The following CHD6 variants were observed in gnomAD, a reference collection of about 807,000 sequenced individuals.
The protein encoded by CHD6 is ATP-dependent chromatin remodeler CHD6.
CHD6 carries 50 observed loss-of-function variants against 276.9 expected under a neutral mutation model. The ratio of observed to expected loss-of-function variants is 0.18; its 90% confidence interval spans 0.14 to 0.23. The LOEUF is 0.23. Among genes scored for constraint, CHD6 ranks in the 10% least tolerant of loss-of-function variants. The probability of loss-of-function intolerance (pLI) is 1.00; values close to 1 mark genes in which losing one functional copy is unlikely to be tolerated. For missense variants in CHD6, 2,564 were observed against 3,365.8 expected, an observed-to-expected ratio of 0.76 and a Z score of 5.89; for synonymous variants, 1,173 against 1,229.3, an observed-to-expected ratio of 0.95 and a Z score of 0.96.
chr20:41,436,709 C>T (rs1374046503), intron 27 of CHD6, among the ~76,000 whole-genome samples: 3 of 152,164 alleles, frequency 2.0e-5, no homozygotes, highest in African/African-American at 7.2e-5. Flanking sequence ...ATACAGACAA[C>T]CACCTAGATG....
chr20:41,407,999 TTC>T (rs796275294), intron 36 of CHD6, among the ~76,000 whole-genome samples: 4 of 152,216 alleles, frequency 2.6e-5, no homozygotes, highest in African/African-American at 9.6e-5. Flanking sequence ...ATCTGAATGT[TTC>T]TGAGTCCCCA....
At chr20:41,470,113 G>A (rs988490432) in intron 17 of CHD6, among the ~76,000 whole-genome samples, 1 of 152,206 alleles carries the variant, frequency 6.6e-6, no homozygotes, top group Non-Finnish European at 1.5e-5. Flanking sequence ...GCATCATTCT[G>A]TGGACAGTCT....
At chr20:41,510,138 C>T (rs756944181) in intron 5 of CHD6, among the ~76,000 whole-genome samples, 9 of 152,064 alleles carry the variant, frequency 5.9e-5, no homozygotes, top group Admixed American at 1.3e-4. Context: ...CAGAGGGCCC[C>T]GGGAGAAGGA....
At chr20:41,407,048 G>A (rs149404410) in intron 36 of CHD6, among the ~76,000 whole-genome samples, 2 of 152,308 alleles carry the variant, frequency 1.3e-5, no homozygotes, top group African/African-American at 4.8e-5. Flanking sequence ...TGTCACACTG[G>A]ATTCCACTGA....
At chr20:41,615,536 T>C (rs1164011753) in intron 1 of CHD6, among the ~76,000 whole-genome samples, 1 of 152,170 alleles carries the variant, frequency 6.6e-6, no homozygotes. Flanking sequence ...AAGAGAATCA[T>C]TAAATATGTA....
chr20:41,469,303 CG>C (rs1389287095), intron 17 of CHD6, among the ~76,000 whole-genome samples: 1 of 152,136 alleles, frequency 6.6e-6, no homozygotes, highest in Non-Finnish European at 1.5e-5. Flanking sequence ...TGCAGCCCAC[CG>C]TTGTTATCTT....
At chr20:41,531,348 A>AT (rs1257309655) in intron 3 of CHD6, among the ~76,000 whole-genome samples, 22 of 152,170 alleles carry the variant, frequency 1.4e-4, no homozygotes, top group Admixed American at 1.3e-3. Context: ...TGTAATAATA[A>AT]TAAAAAAAAG....
intron 1 of CHD6, among the ~76,000 whole-genome samples, chr20:41,612,095 G>T (rs1250154127): frequency 2.6e-5 from 4 of 152,140 alleles, no homozygotes; most frequent in African/African-American, 9.7e-5. Flanking sequence ...AAACAAAAAA[G>T]GACTACAATT....
At chr20:41,453,021 C>T in intron 20 of CHD6, 79 bp from the exon 21 acceptor site, 3 of 1,164,446 alleles carry the variant, frequency 2.6e-6, no homozygotes, top group Non-Finnish European at 3.8e-6. Flanking sequence ...ATCCTCAGGA[C>T]ACATTTGGGA....
Position 41,423,918 on chromosome 20 carries a change from CT to C in CHD6, c.4347-219del, listed in dbSNP as rs202069795. On this transcript the variant is annotated intron_variant, in intron 29 of 36. Coordinates refer to ENST00000373233, the MANE Select transcript of CHD6 (RefSeq NM_032221.5). Reference sequence around the variant, plus strand: ...CCCAAAGAGGTAATCACTTCCAAATCTTTCAGCTCTTTCTTCTGGTATTTAC... The same window carrying C: ...CCCAAAGAGGTAATCACTTCCAAATCTTCAGCTCTTTCTTCTGGTATTTAC... Among the ~76,000 whole-genome samples the C allele has an allele frequency of 5.9e-3, 906 of 152,328 alleles. 12 individuals carry two copies. Among genetic ancestry groups the C allele is most frequent in the African/African-American group, 0.02 (852 of 41,576 alleles).
At chr20:41,491,563 T>C (rs1175249501) in intron 11 of CHD6, 135 bp downstream of exon 11, 10 of 897,126 alleles carry the variant, frequency 1.1e-5, no homozygotes, top group East Asian at 4.9e-5. Context: ...ATGATTAATG[T>C]GCAAAGACTA....
At chr20:41,572,801 A>G (rs1423065833) in intron 1 of CHD6, among the ~76,000 whole-genome samples, 2 of 152,198 alleles carry the variant, frequency 1.3e-5, no homozygotes, top group Non-Finnish European at 2.9e-5. Flanking sequence ...TAACCCTGGG[A>G]AAAAGGTCCT....
chr20:41,444,190 G>A (rs2047991887), intron 25 of CHD6, among the ~76,000 whole-genome samples: 2 of 152,124 alleles, frequency 1.3e-5, no homozygotes, highest in South Asian at 4.1e-4. Flanking sequence ...ACCAAGTCTG[G>A]GTTGCACTGC....
At chr20:41,598,669 G>A (rs958209017) in intron 1 of CHD6, among the ~76,000 whole-genome samples, 2 of 152,178 alleles carry the variant, frequency 1.3e-5, no homozygotes, top group Admixed American at 6.5e-5. Flanking sequence ...CTGTCCTCCA[G>A]GTACCAATGT....
At chr20:41,570,763 C>CT (rs754528599) in intron 1 of CHD6, among the ~76,000 whole-genome samples, 37 of 152,236 alleles carry the variant, frequency 2.4e-4, no homozygotes, top group Non-Finnish European at 4.4e-4. Flanking sequence ...ATGTGACTCA[C>CT]TTTAACAACT....
intron 2 of CHD6, among the ~76,000 whole-genome samples, chr20:41,539,560 T>TA (rs2044900099): frequency 1.3e-5 from 2 of 152,162 alleles, no homozygotes; most frequent in African/African-American, 4.8e-5. Context: ...ACCACCCCAC[T>TA]GGGGCCCCAT....
chr20:41,494,002 C>T, intron 8 of CHD6, 58 bp from the exon 9 acceptor site: 1 of 1,269,786 alleles, frequency 7.9e-7, no homozygotes, highest in South Asian at 1.2e-5. Flanking sequence ...AAATCCAACA[C>T]CTAGGGTGTT....
At chr20:41,441,357 CT>C (rs2047895740) in intron 25 of CHD6, among the ~76,000 whole-genome samples, 1 of 152,162 alleles carries the variant, frequency 6.6e-6, no homozygotes, top group Admixed American at 6.5e-5. Context: ...AGAAGAACCA[CT>C]CTCACCCTTT....
chr20:41,561,775 C>T (rs1421234652), intron 1 of CHD6, among the ~76,000 whole-genome samples: 1 of 152,168 alleles, frequency 6.6e-6, no homozygotes. Context: ...GAGAGCACTA[C>T]TCCATTGTTC....
Sources: allele counts gnomAD v4.1 joint callset (sites outside exome capture counted in the v4.1 genomes callset), GRCh38; gene constraint gnomAD v4.1.1; transcripts MANE v1.5; gene names NCBI Gene and HGNC (gene_info 2026-07-23, HGNC 2026-07-21).